Variants in ZNF438 observed in about 807,000 individuals in gnomAD.
ZNF438 encodes zinc finger protein 438.
In ZNF438, 25 loss-of-function variants were observed where a neutral mutation model predicts 38.0. That is an observed-to-expected ratio of 0.66 (90% confidence interval 0.48 to 0.92). ZNF438 has a LOEUF of 0.92. ZNF438 is among the 40% of genes least tolerant of loss of function. ZNF438 has a pLI of 0.00. For missense variants in ZNF438, 1,007 were observed against 999.6 expected (o/e 1.01, Z -0.10); for synonymous variants, 372 against 364.1 (o/e 1.02, Z -0.25).
intron 1 of ZNF438, among the ~76,000 whole-genome samples, chr10:31,004,011 T>C (rs988549447): frequency 6.6e-6 from 1 of 152,200 alleles, no homozygotes; most frequent in Non-Finnish European, 1.5e-5. Context: ...AAAGGTGTTA[T>C]CCCCAGATCC....
At chr10:31,014,635 T>C (rs2056029512) in intron 1 of ZNF438, among the ~76,000 whole-genome samples, 1 of 152,164 alleles carries the variant, frequency 6.6e-6, no homozygotes, top group Non-Finnish European at 1.5e-5. Context: ...ATCTACACTT[T>C]ACCATTAATC....
At chr10:31,002,347 T>C (rs1168001394) in intron 1 of ZNF438, among the ~76,000 whole-genome samples, 1 of 152,208 alleles carries the variant, frequency 6.6e-6, no homozygotes, top group East Asian at 1.9e-4. Context: ...TCTTCAGATA[T>C]TATAGATATT....
At chr10:30,951,347 G>C (rs1320006991) in intron 1 of ZNF438, among the ~76,000 whole-genome samples, 1 of 149,508 alleles carries the variant, frequency 6.7e-6, no homozygotes, top group African/African-American at 2.4e-5. Flanking sequence ...ACAAGACAGG[G>C]ATGCCCTCTC....
At chr10:30,949,067 C>T (rs2047819171) in intron 1 of ZNF438, among the ~76,000 whole-genome samples, 1 of 152,142 alleles carries the variant, frequency 6.6e-6, no homozygotes, top group Non-Finnish European at 1.5e-5. Context: ...AGAAACCCTA[C>T]AAGCCAGAAG....
chr10:30,891,819 A>G (rs1267307958), intron 3 of ZNF438, among the ~76,000 whole-genome samples: 1 of 152,216 alleles, frequency 6.6e-6, no homozygotes, highest in East Asian at 1.9e-4. Flanking sequence ...GGATACAGAT[A>G]TAAGAAAAAG....
chr10:30,910,683 CAA>C (rs11375197), intron 2 of ZNF438, among the ~76,000 whole-genome samples: 8 of 89,760 alleles, frequency 8.9e-5, no homozygotes, highest in African/African-American at 2.7e-4. Context: ...GTATATTGGC[CAA>C]AAAAAAAAAA....
chr10:30,884,014 T>G (rs1444378364), intron 3 of ZNF438, among the ~76,000 whole-genome samples: 1 of 152,212 alleles, frequency 6.6e-6, no homozygotes, highest in African/African-American at 2.4e-5. Flanking sequence ...TGCTACATAA[T>G]CTTCCTTTTT....
chr10:30,860,468 G>C (rs2035388921), intron 4 of ZNF438, among the ~76,000 whole-genome samples: 3 of 152,194 alleles, frequency 2.0e-5, no homozygotes, highest in African/African-American at 2.4e-5. Context: ...TGATCTGTCA[G>C]CTCATTATCA....
At chr10:30,877,745 T>C (rs2038646205) in intron 3 of ZNF438, among the ~76,000 whole-genome samples, 2 of 152,196 alleles carry the variant, frequency 1.3e-5, no homozygotes, top group Non-Finnish European at 2.9e-5. Flanking sequence ...TCCATATTAA[T>C]AAAATATCTG....
chr10:30,956,757 T>C (rs991534987), intron 1 of ZNF438, among the ~76,000 whole-genome samples: 4 of 152,238 alleles, frequency 2.6e-5, no homozygotes, highest in African/African-American at 9.6e-5. Context: ...ATTGTGTATA[T>C]ATGACATATT....
intron 4 of ZNF438, among the ~76,000 whole-genome samples, chr10:30,865,904 G>A (rs2036346407): frequency 1.3e-5 from 2 of 152,168 alleles, no homozygotes; most frequent in South Asian, 4.1e-4. Flanking sequence ...TCAAAGTAGG[G>A]TTTGCAGAAC....
chr10:30,850,254 G>A, exon 5 of ZNF438: 2 of 1,614,194 alleles, frequency 1.2e-6, no homozygotes, highest in South Asian at 2.2e-5. Flanking sequence ...TGACATGGCA[G>A]CATTCTGGAC....
intron 1 of ZNF438, among the ~76,000 whole-genome samples, chr10:30,991,647 T>C (rs1736144566): frequency 6.6e-6 from 1 of 152,132 alleles, no homozygotes; most frequent in South Asian, 2.1e-4. Context: ...CTCTGCTCTG[T>C]CTGAGGGAAT....
At chr10:30,882,096 CA>C (rs1403262269) in intron 3 of ZNF438, among the ~76,000 whole-genome samples, 12 of 151,578 alleles carry the variant, frequency 7.9e-5, no homozygotes, top group African/African-American at 2.4e-4. Context: ...TTCTGCTCTT[CA>C]AAAGATATCA....
intron 1 of ZNF438, among the ~76,000 whole-genome samples, chr10:31,004,359 G>A (rs2054927157): frequency 6.6e-6 from 1 of 152,186 alleles, no homozygotes; most frequent in African/African-American, 2.4e-5. Context: ...TCTTTTAGAT[G>A]TCAGGTAACA....
At chr10:30,971,389 C>A (rs964372010) in intron 1 of ZNF438, among the ~76,000 whole-genome samples, 1 of 152,098 alleles carries the variant, frequency 6.6e-6, no homozygotes, top group Non-Finnish European at 1.5e-5. Flanking sequence ...CAACAAAAAA[C>A]ATATCCATCT....
chr10:30,849,221 G>A, exon 5 of ZNF438: 1 of 1,613,902 alleles, frequency 6.2e-7, no homozygotes, highest in Non-Finnish European at 8.5e-7. Flanking sequence ...TCCCTGAAAT[G>A]CCAAAATTTC....
intron 4 of ZNF438, among the ~76,000 whole-genome samples, chr10:30,874,112 GTGTATATATATATATATATATATATATA>G (rs1564540978): frequency 0.024 from 852 of 36,134 alleles, 23 homozygotes; most frequent in African/African-American, 0.034. Flanking sequence ...GGGTGTGTGT[GTGTATATATATATATATATATATATATA>G]TATATATATA....
intron 1 of ZNF438, among the ~76,000 whole-genome samples, chr10:30,963,221 G>A (rs2049702308): frequency 6.6e-6 from 1 of 151,726 alleles, no homozygotes; most frequent in African/African-American, 2.4e-5. Context: ...GTGAAACCCT[G>A]TCTCTACCAA....
Sources: allele counts gnomAD v4.1 joint callset (sites outside exome capture counted in the v4.1 genomes callset), GRCh38; gene constraint gnomAD v4.1.1; transcripts MANE v1.5; gene names NCBI Gene and HGNC (gene_info 2026-07-23, HGNC 2026-07-21).